Variants in SLC26A8 observed in about 807,000 individuals in gnomAD.
SLC26A8 encodes the protein solute carrier family 26 member 8.
Under a neutral mutation model 105.0 loss-of-function variants are expected in SLC26A8, and 70 were observed. The observed-to-expected ratio is 0.67, with a 90% CI of 0.55 to 0.81. The LOEUF (loss-of-function observed/expected upper bound fraction) is 0.81, where lower values mean the gene tolerates loss of function less well. SLC26A8 is among the 40% of genes least tolerant of loss of function. The probability of loss-of-function intolerance (pLI) is 0.00; values close to 1 mark genes in which losing one functional copy is unlikely to be tolerated. For missense variants in SLC26A8, 998 were observed against 1,181.8 expected (o/e 0.84, Z 2.28); for synonymous variants, 415 against 438.3 (o/e 0.95, Z 0.66).
chr6:36,007,813 A>G (rs934733797), intron 3 of SLC26A8, among the ~76,000 whole-genome samples: 2 of 152,118 alleles, frequency 1.3e-5, no homozygotes, highest in Admixed American at 6.6e-5. Flanking sequence ...AATTCACTGG[A>G]GGATATTCTT....
intron 3 of SLC26A8, among the ~76,000 whole-genome samples, chr6:36,001,208 G>A (rs1403617177): frequency 2.0e-5 from 3 of 151,642 alleles, no homozygotes; most frequent in East Asian, 1.9e-4. Flanking sequence ...GGCTCCCCGC[G>A]AGCTCCACCT....
intron 2 of SLC26A8, 87 bp downstream of exon 2, chr6:36,019,433 C>A: frequency 2.9e-6 from 4 of 1,365,332 alleles, no homozygotes; most frequent in Non-Finnish European, 3.9e-6. Context: ...GGAACTCAGA[C>A]AAGAAAGAGA....
At chr6:35,998,237 G>A (rs1230960250) in intron 4 of SLC26A8, among the ~76,000 whole-genome samples, 2 of 152,104 alleles carry the variant, frequency 1.3e-5, no homozygotes, top group Non-Finnish European at 2.9e-5. Context: ...AAGGTTAAAA[G>A]TGAGATGGCA....
chr6:35,969,148 A>G (rs2127311034), intron 10 of SLC26A8, 194 bp from the exon 11 acceptor site: 1 of 549,946 alleles, frequency 1.8e-6, no homozygotes. Context: ...TACTCAATAA[A>G]TACTCCCTAA....
Position 35,959,769 on chromosome 6 carries a change from C to A in SLC26A8, c.1676G>T (p.Cys559Phe). 1 of 1,609,276 alleles carries A rather than the reference C, an allele frequency of 6.2e-7. No homozygotes were observed. The highest frequency in any genetic ancestry group is 8.5e-7 in the Non-Finnish European group (1 of 1,178,996). Residue 559 changes from cysteine (C) to phenylalanine (F), a missense_variant, in exon 15 of 20, where the codon TGC (cysteine) becomes TTC (phenylalanine). Cys to Phe is a radical substitution (Grantham distance 205, BLOSUM62 -2). Transcript: ENST00000490799. ...TIPGVKIFQC[C>F]SSITFVNVYY... ...AACATTTACAAATGTAATTGAGCTG[C>A]AGCACTGGAAGATTTTCACCCCAGG...
chr6:35,955,076 T>G (rs767235833), intron 17 of SLC26A8, 76 bp downstream of exon 17: 1 of 1,577,898 alleles, frequency 6.3e-7, no homozygotes, highest in South Asian at 1.1e-5. Flanking sequence ...ACTAACAGAA[T>G]TCAATCAGGA....
chr6:36,005,283 C>G (rs1761654043), intron 3 of SLC26A8, among the ~76,000 whole-genome samples: 1 of 152,092 alleles, frequency 6.6e-6, no homozygotes, highest in South Asian at 2.1e-4. Context: ...GTATATTGAT[C>G]AGAGCTAGGA....
intron 11 of SLC26A8, among the ~76,000 whole-genome samples, chr6:35,962,916 C>A (rs1430000166): frequency 6.6e-6 from 1 of 152,164 alleles, no homozygotes; most frequent in Non-Finnish European, 1.5e-5. Context: ...ACGTCCTCCC[C>A]ACTCAGCCTC....
chr6:35,997,246 C>T (rs1761380950), intron 5 of SLC26A8, among the ~76,000 whole-genome samples: 1 of 152,060 alleles, frequency 6.6e-6, no homozygotes, highest in Non-Finnish European at 1.5e-5. Flanking sequence ...TCAGCCACAG[C>T]ATTAGATTCT....
At chr6:36,013,544 G>A (rs1761919699) in intron 2 of SLC26A8, among the ~76,000 whole-genome samples, 1 of 152,108 alleles carries the variant, frequency 6.6e-6, no homozygotes, top group African/African-American at 2.4e-5. Context: ...AGAATACACA[G>A]GCCAATTCTC....
At chr6:35,963,592 A>AG (rs1231588699) in intron 11 of SLC26A8, among the ~76,000 whole-genome samples, 4 of 152,200 alleles carry the variant, frequency 2.6e-5, no homozygotes, top group Non-Finnish European at 4.4e-5. Context: ...CACAGGTGCC[A>AG]GGGCTCTGAC....
intron 19 of SLC26A8, among the ~76,000 whole-genome samples, chr6:35,947,024 C>CT (rs1396750807): frequency 6.6e-6 from 1 of 151,678 alleles, no homozygotes; most frequent in Non-Finnish European, 1.5e-5. Flanking sequence ...CACCACTAGT[C>CT]TTTTATTTTT....
In SLC26A8 at chr6:35,944,313, T is replaced by C. The variant is rs951862266; in HGVS notation, c.2500A>G (p.Ser834Gly). The C allele has an allele frequency of 1.2e-6, 2 of 1,613,188 alleles. No individual in the cohort carries two copies. Among genetic ancestry groups the C allele is most frequent in the African/African-American group, 1.3e-5 (1 of 74,970 alleles). ...TTTTTTTGGCTTCCTAGAAAACTGC[T>C]GCTCATTTTATATCTTGAATTGTCA... ...KNDNSRYKMSSSFLGSQKNVS... is the reference protein window; with the variant it reads ...KNDNSRYKMSGSFLGSQKNVS... The change falls in exon 20 of 20, where the codon AGC becomes GGC. Residue 834 changes from serine (S) to glycine (G), a missense_variant. By Grantham distance (56) the Ser-to-Gly change is moderately conservative. Coordinates refer to ENST00000490799, the MANE Select transcript of SLC26A8 (RefSeq NM_052961.4).
intron 5 of SLC26A8, among the ~76,000 whole-genome samples, chr6:35,994,115 T>C (rs867903654): frequency 1.5e-4 from 20 of 131,182 alleles, no homozygotes; most frequent in African/African-American, 2.4e-4. Flanking sequence ...TTTTTTCTTT[T>C]CTTTTTTTTT....
intron 12 of SLC26A8, 114 bp from the exon 13 acceptor site, chr6:35,961,213 T>C: frequency 1.3e-6 from 1 of 794,120 alleles, no homozygotes; most frequent in Non-Finnish European, 2.0e-6. Flanking sequence ...ACCTGGGCTT[T>C]AGGGAAATAT....
rs1438287362 is a variant in SLC26A8, at chr6:35,954,240, C to T, written c.2232+912G>A. Among the ~76,000 whole-genome samples the T allele has an allele frequency of 5.3e-5, 8 of 152,098 alleles. No individual in the cohort carries two copies. In the East Asian group the frequency reaches 9.6e-4, roughly 18 times the overall value. On this transcript the variant is annotated intron_variant, in intron 17 of 19. Transcript: ENST00000490799. Reference sequence around the variant, plus strand: ...CAAGAGTAGAAAAGAAGTCAGGACCCGGGGACACAGCTTTTGAAGGGAAAA... The same window carrying T: ...CAAGAGTAGAAAAGAAGTCAGGACCTGGGGACACAGCTTTTGAAGGGAAAA...
At chr6:36,007,353 A>G (rs1468704852) in intron 3 of SLC26A8, among the ~76,000 whole-genome samples, 1 of 152,208 alleles carries the variant, frequency 6.6e-6, no homozygotes, top group Non-Finnish European at 1.5e-5. Context: ...CTGAACCATC[A>G]TTTAAACCCC....
At chr6:35,966,622 T>C (rs941561035) in intron 11 of SLC26A8, among the ~76,000 whole-genome samples, 1 of 152,196 alleles carries the variant, frequency 6.6e-6, no homozygotes, top group East Asian at 1.9e-4. Flanking sequence ...TTGGTCCTCT[T>C]GTAACTAGTT....
intron 3 of SLC26A8, among the ~76,000 whole-genome samples, chr6:36,009,383 C>CAACAACAAA (rs375466184): frequency 1.7e-4 from 26 of 149,314 alleles, no homozygotes; most frequent in African/African-American, 5.2e-4. Context: ...ACAACAACAA[C>CAACAACAAA]AAACCTGCAC....
Sources: gnomAD v4.1 joint callset for allele counts (sites outside exome capture counted in the v4.1 genomes callset) on GRCh38, gnomAD v4.1.1 for gene constraint, MANE v1.5 for transcripts, NCBI Gene and HGNC (gene_info 2026-07-23, HGNC 2026-07-21) for gene names.